Variants in STXBP5 observed in about 807,000 individuals in gnomAD.
The protein encoded by STXBP5 is syntaxin binding protein 5, also known as syntaxin-binding protein 5.
In STXBP5, 50 loss-of-function variants were observed where a neutral mutation model predicts 152.4. The ratio of observed to expected loss-of-function variants is 0.33; its 90% CI spans 0.26 to 0.42. The LOEUF is 0.42. Among genes scored for constraint, STXBP5 ranks in the 10% least tolerant of loss-of-function variants. The probability of loss-of-function intolerance (pLI) is 1.00; values close to 1 mark genes in which losing one functional copy is unlikely to be tolerated. For synonymous variants in STXBP5, 492 were observed against 494.7 expected (o/e 0.99, Z 0.07); for missense variants, 1,167 against 1,388.6 (o/e 0.84, Z 2.54).
chr6:147,298,137 A>C (rs1366220236), intron 9 of STXBP5, among the ~76,000 whole-genome samples: 3 of 152,140 alleles, frequency 2.0e-5, no homozygotes, highest in Admixed American at 6.5e-5. Flanking sequence ...CATAGACTGA[A>C]AGTGAAAGTA....
At chr6:147,329,359 T>G (rs948264310) in intron 18 of STXBP5, among the ~76,000 whole-genome samples, 4 of 149,998 alleles carry the variant, frequency 2.7e-5, no homozygotes, top group East Asian at 1.9e-4. Context: ...CTCATTGTTA[T>G]GTCTCGCTTT....
intron 21 of STXBP5, among the ~76,000 whole-genome samples, chr6:147,343,811 G>A (rs890679035): frequency 1.3e-5 from 2 of 152,138 alleles, no homozygotes; most frequent in African/African-American, 4.8e-5. Context: ...AATAGTGCTA[G>A]TATTTCTACT....
chr6:147,212,554 C>A (rs1196403409), intron 2 of STXBP5, among the ~76,000 whole-genome samples: 1 of 152,126 alleles, frequency 6.6e-6, no homozygotes, highest in African/African-American at 2.4e-5. Context: ...ATCCTTCCAA[C>A]TTTTGGACCT....
chr6:147,208,923 A>G (rs543036364), intron 2 of STXBP5, among the ~76,000 whole-genome samples: 7 of 152,260 alleles, frequency 4.6e-5, no homozygotes, highest in Non-Finnish European at 1.0e-4. Flanking sequence ...TATTTACTAC[A>G]TTAATGTATA....
At chr6:147,229,042 T>C (rs1777869170) in intron 2 of STXBP5, among the ~76,000 whole-genome samples, 1 of 152,072 alleles carries the variant, frequency 6.6e-6, no homozygotes. Flanking sequence ...GTGGATGAAA[T>C]AAATTTAAAA....
In STXBP5 at chr6:147,363,387, C is replaced by A. The variant is rs1178446410; in HGVS notation, c.2598C>A (p.Thr866=). The A allele has an allele frequency of 6.2e-7, 1 of 1,612,810 alleles. No individual in the cohort carries two copies. The highest frequency in any genetic ancestry group is 8.5e-7 in the Non-Finnish European group (1 of 1,179,646). Residue 866 remains threonine (T), a synonymous_variant, in exon 24 of 28, where the codon ACC becomes ACA. Transcript: ENST00000321680. The part of the protein sequence containing the change: ...GAILRMAFLD[T]TGCLIPPAYE... Reference sequence around the variant, plus strand: ...TCTTGAGAATGGCATTTCTGGATACCACAGGCTGCTTAATACCACCTGCGT... The same window carrying A: ...TCTTGAGAATGGCATTTCTGGATACAACAGGCTGCTTAATACCACCTGCGT...
At chr6:147,220,886 A>G (rs1777424439) in intron 2 of STXBP5, among the ~76,000 whole-genome samples, 1 of 152,138 alleles carries the variant, frequency 6.6e-6, no homozygotes, top group Non-Finnish European at 1.5e-5. Context: ...TATACTTCAA[A>G]TAATACCTAC....
At position 147,310,243 on chromosome 6, in the gene STXBP5, G is replaced by A. The variant is rs372732277; in HGVS notation, c.1072+5G>A. 1.3e-6 allele frequency: 2 copies of A among 1,540,148 alleles called. No homozygotes were observed. Among genetic ancestry groups the A allele is most frequent in the Non-Finnish European group, 8.7e-7 (1 of 1,152,380 alleles). Reference sequence around the variant, plus strand: ...GTGAAACACCATACCCAAATGGTAAGCTTTGCAACTTTAAAGCTCATTCTC... The same window carrying A: ...GTGAAACACCATACCCAAATGGTAAACTTTGCAACTTTAAAGCTCATTCTC... On this transcript the variant is annotated splice_donor_5th_base_variant and intron_variant, in intron 10 of 27. Coordinates refer to ENST00000321680, the MANE Select transcript of STXBP5 (RefSeq NM_001127715.4).
At chr6:147,228,402 G>A (rs956258529) in intron 2 of STXBP5, among the ~76,000 whole-genome samples, 1 of 150,434 alleles carries the variant, frequency 6.6e-6, no homozygotes. Context: ...GTTTTTTTTT[G>A]TTTCTTTTTA....
At chr6:147,359,450 CTTAT>C (rs955563977) in intron 23 of STXBP5, 127 bp downstream of exon 23, 14 of 1,127,568 alleles carry the variant, frequency 1.2e-5, no homozygotes, top group South Asian at 6.7e-5. Flanking sequence ...CAGTGATGGC[CTTAT>C]TTATTTATTT....
intron 8 of STXBP5, among the ~76,000 whole-genome samples, chr6:147,285,545 T>C (rs575829086): frequency 1.3e-5 from 2 of 151,996 alleles, no homozygotes; most frequent in South Asian, 2.1e-4. Context: ...ACTGCAACAT[T>C]TTTCATTTAC....
chr6:147,258,704 A>T (rs1779502388), intron 4 of STXBP5, among the ~76,000 whole-genome samples: 2 of 152,310 alleles, frequency 1.3e-5, no homozygotes, highest in Non-Finnish European at 1.5e-5. Context: ...AAGTGCTGGG[A>T]TTACAGGCGT....
chr6:147,327,049 C>T, intron 17 of STXBP5, 76 bp from the exon 18 acceptor site: 2 of 1,356,592 alleles, frequency 1.5e-6, no homozygotes, highest in Non-Finnish European at 2.0e-6. Flanking sequence ...CTTCTTTCTT[C>T]AGCCTTATAG....
chr6:147,234,227 T>G (rs1218549953), intron 2 of STXBP5, among the ~76,000 whole-genome samples: 1 of 151,930 alleles, frequency 6.6e-6, no homozygotes, highest in Non-Finnish European at 1.5e-5. Flanking sequence ...GCTTTTTACT[T>G]TAGGGTAATA....
intron 4 of STXBP5, among the ~76,000 whole-genome samples, chr6:147,245,884 C>T (rs968428706): frequency 2.0e-5 from 3 of 152,206 alleles, no homozygotes; most frequent in African/African-American, 4.8e-5. Flanking sequence ...AACAGATTCT[C>T]CCCTAGAGCC....
chr6:147,363,758 A>G (rs564483820), intron 24 of STXBP5, 54 bp downstream of exon 24: 48 of 1,532,378 alleles, frequency 3.1e-5, no homozygotes, highest in Non-Finnish European at 3.7e-5. Context: ...CCCTCAAACT[A>G]TACTACAGAA....
In STXBP5 at chr6:147,262,335, T is replaced by G. The variant is rs765177900; in HGVS notation, c.612T>G (p.Asn204Lys). ...GACCTGTGGTCCATATAAGTGATAATCCAATGGACGAGGGAAAGGTAGAAT... is the reference window on the plus strand; with the variant it reads ...GACCTGTGGTCCATATAAGTGATAAGCCAATGGACGAGGGAAAGGTAGAAT... ...HPGPVVHISD[N>K]PMDEGKLLIG... Residue 204 changes from asparagine (N) to lysine (K), a missense_variant, in exon 6 of 28, where the codon AAT (asparagine) becomes AAG (lysine). Coordinates refer to ENST00000321680, the MANE Select transcript of STXBP5 (RefSeq NM_001127715.4). The G allele has an allele frequency of 6.4e-7, 1 of 1,565,050 alleles. No homozygotes were observed. The highest frequency in any genetic ancestry group is 2.0e-5 in the Admixed American group (1 of 50,546).
chr6:147,239,199 C>A lies in STXBP5; in HGVS notation c.360C>A (p.Asp120Glu). Residue 120 changes from aspartate (D) to glutamate (E), a missense_variant, in exon 4 of 28, where the codon GAC (aspartate) becomes GAA (glutamate). Physicochemically the swap from Asp to Glu is conservative, Grantham distance 45 (BLOSUM62 2). Transcript: ENST00000321680. ...EGALVSALADDTLHLWNLRQK... is the reference protein window; with the variant it reads ...EGALVSALADETLHLWNLRQK... ...CGCTTGTGAGTGCCTTGGCTGATGA[C>A]ACCTTACACTTATGGAATTTACGTC... 1 of 1,613,506 alleles carries A rather than the reference C, an allele frequency of 6.2e-7. No individual in the cohort carries two copies. The highest frequency in any genetic ancestry group is 8.5e-7 in the Non-Finnish European group (1 of 1,179,648).
At position 147,389,283 on chromosome 6, in the gene STXBP5, GCAACCAAAAA is replaced by G. The variant is rs1562284712; in HGVS notation, c.*4539_*4548del. The G allele has an allele frequency of 1.3e-5, 2 of 151,568 alleles. No individual in the cohort carries two copies. Among genetic ancestry groups the G allele is most frequent in the East Asian group, 3.9e-4 (2 of 5,174 alleles). The allele number at this position is 151,568 out of a possible 1,614,324, so 9.4% of individuals were successfully genotyped here. On this transcript the variant is annotated 3_prime_UTR_variant, in exon 28 of 28. Transcript: ENST00000321680. ...GTTCTGTAGACAGAAAACAGTTGTT[GCAACCAAAAA>G]CAACCAAAAAAAGAAAAAAAGGGAA... is the stretch of plus-strand genomic sequence containing the variant.
Sources: allele counts gnomAD v4.1 joint callset (sites outside exome capture counted in the v4.1 genomes callset), GRCh38; gene constraint gnomAD v4.1.1; transcripts MANE v1.5; gene names NCBI Gene and HGNC (gene_info 2026-07-23, HGNC 2026-07-21).